PIGR: variants seen among roughly 807,000 people sequenced by gnomAD.
PIGR encodes the protein hepatocellular carcinoma associated protein TB6.
A neutral mutation model predicts 69.5 loss-of-function variants in PIGR; 22 were observed. The observed-to-expected ratio is 0.32, with a 90% confidence interval of 0.23 to 0.45. PIGR has a LOEUF of 0.45. PIGR is among the 20% of genes least tolerant of loss of function. The pLI is 1.00. For synonymous variants in PIGR, 413 were observed against 407.6 expected, an observed-to-expected ratio of 1.01 and a Z score of -0.16; for missense variants, 885 against 974.0, an observed-to-expected ratio of 0.91 and a Z score of 1.22.
intron 1 of PIGR, among the ~76,000 whole-genome samples, chr1:206,941,559 C>T (rs1017061055): frequency 6.6e-6 from 1 of 152,216 alleles, no homozygotes; most frequent in African/African-American, 2.4e-5. Flanking sequence ...GATAGGCTTA[C>T]GTTTTCCCAG....
At chr1:206,944,989 A>T (rs1680075518) in intron 1 of PIGR, among the ~76,000 whole-genome samples, 1 of 152,226 alleles carries the variant, frequency 6.6e-6, no homozygotes, top group African/African-American at 2.4e-5. Flanking sequence ...AGCCCAGGGC[A>T]AGTGGGTTTA....
At chr1:206,944,123 C>A (rs1194390009) in intron 1 of PIGR, among the ~76,000 whole-genome samples, 1 of 152,222 alleles carries the variant, frequency 6.6e-6, no homozygotes, top group Non-Finnish European at 1.5e-5. Context: ...TCTTAGCGAA[C>A]TGAGAATTTG....
At chr1:206,945,176 G>A (rs1680080075) in intron 1 of PIGR, among the ~76,000 whole-genome samples, 1 of 152,150 alleles carries the variant, frequency 6.6e-6, no homozygotes, top group Non-Finnish European at 1.5e-5. Context: ...ATCTGGCTCT[G>A]GGAAGACCTA....
intron 10 of PIGR, 184 bp downstream of exon 10, chr1:206,931,313 A>C: frequency 6.8e-7 from 1 of 1,471,348 alleles, no homozygotes; most frequent in Non-Finnish European, 9.0e-7. Flanking sequence ...CCACATCAGC[A>C]TCCCACAACC....
chr1:206,931,279 G>A (rs537276183), intron 10 of PIGR: 3 of 985,356 alleles, frequency 3.0e-6, no homozygotes, highest in Non-Finnish European at 3.6e-6. Flanking sequence ...TAATCATATA[G>A]CTCACCTCCT....
chr1:206,941,313 T>C (rs927268848), intron 1 of PIGR, among the ~76,000 whole-genome samples: 9 of 152,158 alleles, frequency 5.9e-5, no homozygotes, highest in African/African-American at 2.2e-4. Context: ...GGGCCCACCT[T>C]TGTCTGACTG....
intron 1 of PIGR, among the ~76,000 whole-genome samples, chr1:206,942,854 T>C (rs532543035): frequency 5.3e-5 from 8 of 152,316 alleles, no homozygotes; most frequent in African/African-American, 1.9e-4. Context: ...GTCGGGCAGA[T>C]GGCAACATCA....
At chr1:206,933,401 G>A (rs144513641) in intron 6 of PIGR, among the ~76,000 whole-genome samples, 20 of 152,248 alleles carry the variant, frequency 1.3e-4, no homozygotes, top group Middle Eastern at 3.4e-3. Flanking sequence ...TCAAGGCTTC[G>A]TGTCATAGAC....
intron 1 of PIGR, among the ~76,000 whole-genome samples, chr1:206,945,536 C>T (rs1572650588): frequency 6.6e-6 from 1 of 152,212 alleles, no homozygotes; most frequent in East Asian, 1.9e-4. Flanking sequence ...CCACCTCACT[C>T]AGTGATCCCG....
chr1:206,934,810 T>A, intron 5 of PIGR, 64 bp from the exon 6 acceptor site: 1 of 1,173,432 alleles, frequency 8.5e-7, no homozygotes, highest in Non-Finnish European at 1.2e-6. Context: ...TGCAGGGAAG[T>A]GACTCTGGTG....
chr1:206,936,476 C>T lies in PIGR; in HGVS notation c.1045+619G>A, dbSNP rs921440289. Reference sequence around the variant, plus strand: ...TCACAAGCACAGATACTTGGAACTGCAAGTACTGGTTTGCTGCTTCTCACG... The same window carrying T: ...TCACAAGCACAGATACTTGGAACTGTAAGTACTGGTTTGCTGCTTCTCACG... On this transcript the variant is annotated intron_variant, in intron 4 of 10. Transcript: ENST00000356495. Among the ~76,000 whole-genome samples, 11 of 152,146 alleles carry T rather than the reference C, an allele frequency of 7.2e-5. 1 individual carries two copies. Among genetic ancestry groups the T allele is most frequent in the Admixed American group, 7.2e-4 (11 of 15,284 alleles).
At chr1:206,936,191 A>G (rs1339237284) in intron 4 of PIGR, among the ~76,000 whole-genome samples, 1 of 152,230 alleles carries the variant, frequency 6.6e-6, no homozygotes, top group Non-Finnish European at 1.5e-5. Flanking sequence ...GTATTCCACA[A>G]AAGTGGCCCA....
At chr1:206,938,845 A>G (rs1679922130) in intron 3 of PIGR, among the ~76,000 whole-genome samples, 1 of 152,106 alleles carries the variant, frequency 6.6e-6, no homozygotes, top group South Asian at 2.1e-4. Context: ...ACACCAGAAA[A>G]CTTGTCCTTC....
In PIGR at chr1:206,934,685, G is replaced by A. The variant is rs1190445823; in HGVS notation, c.1440C>T (p.Val480=). The A allele has an allele frequency of 1.2e-6, 2 of 1,613,104 alleles. No individual in the cohort carries two copies. Among genetic ancestry groups the A allele is most frequent in the South Asian group, 1.1e-5 (1 of 91,070 alleles). The change falls in exon 6 of 11, where the codon GTC becomes GTT. Residue 480 remains valine (V), a synonymous_variant. Transcript: ENST00000356495. ...VTAVLGETLK[V]PCHFPCKFSS... ...AGAATTTGCATGGAAAGTGACAGGG[G>A]ACCTTGAGAGTCTCTCCCAGCACAG... is the stretch of plus-strand genomic sequence containing the variant.
In PIGR at chr1:206,932,551, C is replaced by A. The variant is rs1247981195; in HGVS notation, c.1913G>T (p.Arg638Ile). Residue 638 changes from arginine (R) to isoleucine (I), a missense_variant, in exon 8 of 11, where the codon AGA becomes ATA. Coordinates refer to ENST00000356495, the MANE Select transcript of PIGR (RefSeq NM_002644.4). ...GSSEEQGGSSRALVSTLVPLG... is the reference protein window; with the variant it reads ...GSSEEQGGSSIALVSTLVPLG... ...GGGCACCAGGGTGGAGACCAGCGCT[C>A]TGGAGCTTCCACCTTGTTCCTCAGA... 1.9e-6 allele frequency: 3 copies of A among 1,613,532 alleles called. No homozygotes were observed. The highest frequency in any genetic ancestry group is 2.5e-6 in the Non-Finnish European group (3 of 1,179,832).
intron 9 of PIGR, 40 bp downstream of exon 9, chr1:206,931,631 C>G (rs766259183): frequency 6.8e-6 from 11 of 1,614,028 alleles, no homozygotes; most frequent in Middle Eastern, 1.6e-4. Context: ...AATTCTTACT[C>G]TCCCCAGGGG....
In PIGR at chr1:206,933,031, G is replaced by T. The variant is rs140909087; in HGVS notation, c.1841C>A (p.Thr614Lys). ...LFAEEKAVAD[T>K]RDQADGSRAS... is the part of the protein sequence containing the mutation. ...TCTGCTCCCATCGGCTTGATCTCTT[G>T]TATCTGCCACCGCCTTTTCCTCTGC... The change falls in exon 7 of 11, where the codon ACA (threonine) becomes AAA (lysine). Residue 614 changes from threonine to lysine, a missense_variant. Coordinates refer to ENST00000356495, the MANE Select transcript of PIGR (RefSeq NM_002644.4). 5 of 1,614,156 alleles carry T rather than the reference G, an allele frequency of 3.1e-6. No homozygotes were observed. The highest frequency in any genetic ancestry group is 3.4e-6 in the Non-Finnish European group (4 of 1,180,028).
chr1:206,930,965 G>C lies in PIGR; in HGVS notation c.2199+532C>G. 3.0e-6 allele frequency: 3 copies of C among 985,406 alleles called. No individual in the cohort carries two copies. Among genetic ancestry groups the C allele is most frequent in the East Asian group, 1.1e-4 (1 of 8,814 alleles). The allele number at this position is 985,406 out of a possible 1,614,324, so 61.0% of individuals were successfully genotyped here. A position where few individuals can be genotyped will look rare whatever the true frequency, so the allele number is the denominator to read the frequency against. On this transcript the variant is annotated intron_variant, in intron 10 of 10. Transcript: ENST00000356495. The surrounding 1 kb of genome is among the most constrained non-coding windows in gnomAD (Gnocchi z 4.3). ...ATTTTTCTTGGTCCCCTGAGTCCTAGGGCAGATTGAGGGGATGGTATATGG... is the reference window on the plus strand; with the variant it reads ...ATTTTTCTTGGTCCCCTGAGTCCTACGGCAGATTGAGGGGATGGTATATGG...
chr1:206,932,965 G>T, intron 7 of PIGR, 21 bp downstream of exon 7: 6 of 1,612,450 alleles, frequency 3.7e-6, no homozygotes, highest in Non-Finnish European at 4.2e-6. Flanking sequence ...TCCGAGTGGG[G>T]AGCCTTGAAT....
Sources: gnomAD v4.1 joint callset for allele counts (sites outside exome capture counted in the v4.1 genomes callset) on GRCh38, gnomAD v4.1.1 for gene constraint, Gnocchi (gnomAD v3.1) non-coding constraint, MANE v1.5 for transcripts, NCBI Gene and HGNC (gene_info 2026-07-23, HGNC 2026-07-21) for gene names.